Variants in CDC42BPA observed in about 807,000 individuals in gnomAD.
CDC42BPA encodes the protein CDC42 binding protein kinase alpha, also known as serine/threonine-protein kinase MRCK alpha.
Under a neutral mutation model 223.5 loss-of-function variants are expected in CDC42BPA, and 80 were observed. That is an observed-to-expected ratio of 0.36 (90% confidence interval 0.30 to 0.43). The LOEUF is 0.43. CDC42BPA is among the 20% of genes least tolerant of loss of function. The pLI, the probability that CDC42BPA is intolerant of heterozygous loss-of-function variation, is 1.00. For missense variants in CDC42BPA, 1,743 were observed against 2,099.9 expected, an observed-to-expected ratio of 0.83 and a Z score of 3.32; for synonymous variants, 694 against 718.6, an observed-to-expected ratio of 0.97 and a Z score of 0.55.
At chr1:227,046,042 G>A (rs989880824) in intron 23 of CDC42BPA, among the ~76,000 whole-genome samples, 1 of 152,136 alleles carries the variant, frequency 6.6e-6, no homozygotes, top group East Asian at 1.9e-4. Flanking sequence ...CTGGGCTCAA[G>A]CAATCAGCCC....
chr1:227,279,177 T>G (rs1190406429), intron 1 of CDC42BPA, among the ~76,000 whole-genome samples: 2 of 152,186 alleles, frequency 1.3e-5, no homozygotes, highest in Non-Finnish European at 2.9e-5. Context: ...GCTGCCTTGA[T>G]GGCATTAGTT....
At chr1:227,083,254 A>G (rs2149164414) in intron 16 of CDC42BPA, among the ~76,000 whole-genome samples, 1 of 151,748 alleles carries the variant, frequency 6.6e-6, no homozygotes, top group South Asian at 2.1e-4. Flanking sequence ...ATTCTTTTTA[A>G]TCCCTGACTA....
chr1:227,155,496 C>T (rs1241387821), intron 6 of CDC42BPA, among the ~76,000 whole-genome samples: 4 of 152,174 alleles, frequency 2.6e-5, no homozygotes, highest in East Asian at 1.9e-4. Context: ...TCCATGAAGA[C>T]GATGAAAGGT....
chr1:227,162,995 C>T (rs1664277298), intron 5 of CDC42BPA, among the ~76,000 whole-genome samples: 1 of 97,372 alleles, frequency 1.0e-5, no homozygotes, highest in African/African-American at 3.8e-5. Flanking sequence ...TGTTTCCAAA[C>T]ATGTGTATGT....
chr1:227,300,881 CAGA>C (rs1691511493), intron 1 of CDC42BPA, among the ~76,000 whole-genome samples: 1 of 152,206 alleles, frequency 6.6e-6, no homozygotes, highest in Admixed American at 6.5e-5. Context: ...ACTTGAACAT[CAGA>C]AGAGCGGGTA....
intron 4 of CDC42BPA, among the ~76,000 whole-genome samples, chr1:227,194,402 A>G (rs1397557333): frequency 6.6e-6 from 1 of 152,208 alleles, no homozygotes; most frequent in African/African-American, 2.4e-5. Context: ...CTTTATTAGA[A>G]CCAGCATCAG....
intron 23 of CDC42BPA, among the ~76,000 whole-genome samples, chr1:227,044,411 T>A (rs1671988950): frequency 6.9e-6 from 1 of 145,064 alleles, no homozygotes; most frequent in African/African-American, 2.5e-5. Context: ...CACAAAAAAT[T>A]TTTCTACATT....
At chr1:227,292,460 GC>G (rs1447739391) in intron 1 of CDC42BPA, among the ~76,000 whole-genome samples, 1 of 152,010 alleles carries the variant, frequency 6.6e-6, no homozygotes, top group African/African-American at 2.4e-5. Context: ...TAAAAATCTT[GC>G]TCCAATTATT....
At chr1:227,221,726 T>C (rs898505507) in intron 2 of CDC42BPA, among the ~76,000 whole-genome samples, 2 of 151,984 alleles carry the variant, frequency 1.3e-5, no homozygotes, top group South Asian at 4.2e-4. Flanking sequence ...CTCAGCTGCA[T>C]TAGACACAGA....
intron 1 of CDC42BPA, among the ~76,000 whole-genome samples, chr1:227,296,490 G>T (rs754767628): frequency 5.3e-5 from 8 of 152,102 alleles, no homozygotes; most frequent in Non-Finnish European, 7.4e-5. Context: ...CAGATCACTT[G>T]AGGTCAGGAG....
chr1:227,112,582 T>C (rs1687113824), intron 13 of CDC42BPA, 89 bp downstream of exon 13: 3 of 1,080,626 alleles, frequency 2.8e-6, no homozygotes, highest in Admixed American at 3.0e-5. Context: ...TTTAGAAATA[T>C]TTTAAAAATT....
chr1:227,132,750 C>T (rs527949185), intron 10 of CDC42BPA, among the ~76,000 whole-genome samples: 1 of 151,310 alleles, frequency 6.6e-6, no homozygotes, highest in African/African-American at 2.4e-5. Context: ...GCCCGCCCAT[C>T]GTCTGGGATG....
Position 226,990,707 on chromosome 1 carries a change from C to G in CDC42BPA, c.*3561G>C, listed in dbSNP as rs1660641771. ...CTGCTCACCCCTGCTCTGGCTTTTC[C>G]TTAATGATACCTGAGATGCCACATA... On this transcript the variant is annotated 3_prime_UTR_variant, in exon 37 of 37. Transcript: ENST00000366766. The G allele has an allele frequency of 6.5e-6, 1 of 152,792 alleles. No homozygotes were observed. The highest frequency in any genetic ancestry group is 1.9e-4 in the East Asian group (1 of 5,188). 9.5% of individuals were successfully genotyped at this position (152,792 alleles called of 1,614,324 possible). A position where few individuals can be genotyped will look rare whatever the true frequency, so the allele number is the denominator to read the frequency against.
chr1:227,013,927 CACTTG>C (rs1238061203), intron 34 of CDC42BPA, among the ~76,000 whole-genome samples: 1 of 152,048 alleles, frequency 6.6e-6, no homozygotes, highest in African/African-American at 2.4e-5. Flanking sequence ...TACTACACAG[CACTTG>C]ACTTATCAAA....
In CDC42BPA at chr1:227,162,868, A is replaced by ATGTGTGTGTGTGTGTGTGTG. The variant is rs36157906; in HGVS notation, c.600-2233_600-2232insCACACACACACACACACACA. Among the ~76,000 whole-genome samples the ATGTGTGTGTGTGTGTGTGTG allele has an allele frequency of 6.1e-4, 91 of 149,462 alleles. 1 individual carries two copies. The highest frequency in any genetic ancestry group is 2.1e-3 in the South Asian group (10 of 4,692). ...AAAAAATAAAATAAAATAAATATAT[A>ATGTGTGTGTGTGTGTGTGTG]TGTGTGTGTGTGTGTGTGTTTCCAA... On this transcript the variant is annotated intron_variant, in intron 5 of 36. Transcript: ENST00000366766.
chr1:227,023,712 A>G (rs1461387909), intron 31 of CDC42BPA, among the ~76,000 whole-genome samples: 1 of 152,222 alleles, frequency 6.6e-6, no homozygotes, highest in African/African-American at 2.4e-5. Context: ...CATACATATG[A>G]TGGAGATGGA....
At position 227,265,069 on chromosome 1, in the gene CDC42BPA, C is replaced by T. The variant is rs1279109854; in HGVS notation, c.179-10914G>A. ...TGGACGCAGCAGGAAAAAAATCCTG[C>T]ATTGCATTGTATCCAAGGTAAAACT... On this transcript the variant is annotated intron_variant, in intron 1 of 36. Transcript: ENST00000366766. The T allele has an allele frequency of 3.9e-6, 3 of 776,428 alleles. No individual in the cohort carries two copies. The African/African-American group carries it at 5.1e-5, about 13-fold the overall frequency. The allele number at this position is 776,428 out of a possible 1,614,324, so 48.1% of individuals were successfully genotyped here.
At chr1:227,206,500 A>G (rs1431029399) in intron 3 of CDC42BPA, among the ~76,000 whole-genome samples, 1 of 152,192 alleles carries the variant, frequency 6.6e-6, no homozygotes, top group African/African-American at 2.4e-5. Flanking sequence ...AACCTCTGAA[A>G]AAATTGTTTT....
chr1:227,144,583 A>C (rs1660355355), intron 8 of CDC42BPA, among the ~76,000 whole-genome samples: 1 of 149,210 alleles, frequency 6.7e-6, no homozygotes, highest in Non-Finnish European at 1.5e-5. Flanking sequence ...TCAAAAAAAA[A>C]AAAAAAAAAA....
Sources: allele counts gnomAD v4.1 joint callset (sites outside exome capture counted in the v4.1 genomes callset), GRCh38; gene constraint gnomAD v4.1.1; transcripts MANE v1.5; gene names NCBI Gene and HGNC (gene_info 2026-07-23, HGNC 2026-07-21).